The following B3GLCT variants were observed in gnomAD, a reference collection of about 807,000 sequenced individuals.
B3GLCT encodes the protein beta-1,3-glucosyltransferase.
B3GLCT carries 65 observed loss-of-function variants against 63.4 expected under a neutral mutation model. The ratio of observed to expected loss-of-function variants is 1.03; its 90% CI spans 0.84 to 1.26. B3GLCT has a LOEUF of 1.26. Among genes scored for constraint, B3GLCT ranks in the 50% most tolerant of loss-of-function variants. The pLI is 0.00. For missense variants in B3GLCT, 577 were observed against 604.8 expected (o/e 0.95, Z 0.48); for synonymous variants, 233 against 219.2 (o/e 1.06, Z -0.55).
Position 31,330,934 on chromosome 13 carries a change from G to A in B3GLCT, c.*1266G>A, listed in dbSNP as rs921577679. ...GCCATACCACCAAAAGTACCTGTGT[G>A]TGTTAATATGTTTTTCTTGTAGCAT... On this transcript the variant is annotated 3_prime_UTR_variant, in exon 15 of 15. Coordinates refer to ENST00000343307, the MANE Select transcript of B3GLCT (RefSeq NM_194318.4). The A allele has an allele frequency of 6.6e-6, 1 of 152,124 alleles. No homozygotes were observed. Among genetic ancestry groups the A allele is most frequent in the Non-Finnish European group, 1.5e-5 (1 of 68,020 alleles). The allele number at this position is 152,124 out of a possible 1,614,324, so 9.4% of individuals were successfully genotyped here. A position where few individuals can be genotyped will look rare whatever the true frequency, so the allele number is the denominator to read the frequency against.
Position 31,253,617 on chromosome 13 carries a change from A to AC in B3GLCT, c.459+5651_459+5652insC, listed in dbSNP as rs1291204876. Among the ~76,000 whole-genome samples, 138 of 148,794 alleles carry AC rather than the reference A, an allele frequency of 9.3e-4. 15 individuals carry two copies. Among genetic ancestry groups the AC allele is most frequent in the Non-Finnish European group, 1.1e-3 (77 of 67,232 alleles). ...TCTCAAAAAAAAAAAAAAAAAAAAA[A>AC]AAAACTAGAGAAGCAAGAGCAAGCA... On this transcript the variant is annotated intron_variant, in intron 6 of 14. Transcript: ENST00000343307.
intron 3 of B3GLCT, among the ~76,000 whole-genome samples, chr13:31,224,873 T>C (rs959650960): frequency 1.3e-3 from 193 of 152,290 alleles, no homozygotes; most frequent in African/African-American, 4.5e-3. Context: ...TCTAGGTAAT[T>C]TCTGACCAGG....
intron 4 of B3GLCT, among the ~76,000 whole-genome samples, chr13:31,233,874 C>A (rs1196907384): frequency 6.6e-6 from 1 of 152,176 alleles, no homozygotes; most frequent in Non-Finnish European, 1.5e-5. Context: ...ATGAACCTCT[C>A]ATTCATTCTT....
Position 31,329,853 on chromosome 13 carries a change from T to C in B3GLCT, c.*185T>C, listed in dbSNP as rs1374997620. On this transcript the variant is annotated 3_prime_UTR_variant, in exon 15 of 15. Transcript: ENST00000343307. Reference sequence around the variant, plus strand: ...AGAAAAGGGGTCACAGGAGAAACATTTTTTTTTCTGGGAAAAATCACTTGC... The same window carrying C: ...AGAAAAGGGGTCACAGGAGAAACATCTTTTTTTCTGGGAAAAATCACTTGC... 4.6e-6 allele frequency: 3 copies of C among 652,840 alleles called. No homozygotes were observed. The African/African-American group carries it at 5.5e-5, about 12-fold the overall frequency. 40.4% of individuals were successfully genotyped at this position (652,840 alleles called of 1,614,324 possible). A position where few individuals can be genotyped will look rare whatever the true frequency, so the allele number is the denominator to read the frequency against.
intron 2 of B3GLCT, among the ~76,000 whole-genome samples, chr13:31,221,520 C>CA (rs1408740502): frequency 2.6e-5 from 4 of 152,240 alleles, no homozygotes; most frequent in Non-Finnish European, 5.9e-5. Flanking sequence ...AGTTAGGTGT[C>CA]ACTTGATCCA....
intron 7 of B3GLCT, among the ~76,000 whole-genome samples, chr13:31,265,375 C>A (rs1872240955): frequency 6.6e-6 from 1 of 152,162 alleles, no homozygotes; most frequent in African/African-American, 2.4e-5. Flanking sequence ...ATTATATAGA[C>A]AACCAAGAAG....
chr13:31,284,913 T>C lies in B3GLCT; in HGVS notation c.964+152T>C, dbSNP rs1169973319. ...CTTCTCTCAGATACTGATTGGTTCTTTCAAACTAAGGGCTTTATAGTACGA... is the reference window on the plus strand; with the variant it reads ...CTTCTCTCAGATACTGATTGGTTCTCTCAAACTAAGGGCTTTATAGTACGA... On this transcript the variant is annotated intron_variant, in intron 11 of 14. Transcript: ENST00000343307. 4 of 646,068 alleles carry C rather than the reference T, an allele frequency of 6.2e-6. No individual in the cohort carries two copies. The Admixed American group carries it at 9.6e-5, about 15-fold the overall frequency. The allele number at this position is 646,068 out of a possible 1,614,324, so 40.0% of individuals were successfully genotyped here. A position where few individuals can be genotyped will look rare whatever the true frequency, so the allele number is the denominator to read the frequency against.
rs984620578 is a variant in B3GLCT, at chr13:31,329,549, A to G, written c.1378A>G (p.Ile460Val). 1.2e-6 allele frequency: 2 copies of G among 1,614,226 alleles called. No homozygotes were observed. The highest frequency in any genetic ancestry group is 1.3e-5 in the African/African-American group (1 of 75,064). ...GGACTACCTTTCTCATCAAGTTCCC[A>G]TATCGTTCCACAAACACTGGAACAT... Reference protein sequence around the residue: ...PKDYLSHQVPISFHKHWNIDP... With the variant: ...PKDYLSHQVPVSFHKHWNIDP... Residue 460 changes from isoleucine (I) to valine (V), a missense_variant, in exon 15 of 15, where the codon ATA becomes GTA. Transcript: ENST00000343307.
At chr13:31,223,879 T>C (rs1380545367) in intron 3 of B3GLCT, among the ~76,000 whole-genome samples, 1 of 152,122 alleles carries the variant, frequency 6.6e-6, no homozygotes, top group Non-Finnish European at 1.5e-5. Context: ...TTGGCTCACC[T>C]CCAGTTTCAT....
chr13:31,247,210 A>C, intron 5 of B3GLCT, 111 bp downstream of exon 5: 1 of 847,760 alleles, frequency 1.2e-6, no homozygotes, highest in Non-Finnish European at 2.0e-6. Flanking sequence ...TAAGTGAAGT[A>C]AATTTGAGTT....
intron 4 of B3GLCT, among the ~76,000 whole-genome samples, chr13:31,245,724 A>G (rs1424445575): frequency 6.6e-6 from 1 of 152,130 alleles, no homozygotes; most frequent in Non-Finnish European, 1.5e-5. Flanking sequence ...TAGTAACATC[A>G]TTAGTTTCTT....
chr13:31,218,428 C>A (rs60546979), intron 2 of B3GLCT, among the ~76,000 whole-genome samples: 1 of 152,038 alleles, frequency 6.6e-6, no homozygotes, highest in African/African-American at 2.4e-5. Context: ...ACCAGTGATC[C>A]GCCTGCCTCA....
At chr13:31,315,685 T>C (rs1263009401) in intron 12 of B3GLCT, among the ~76,000 whole-genome samples, 4 of 152,218 alleles carry the variant, frequency 2.6e-5, no homozygotes, top group African/African-American at 7.2e-5. Flanking sequence ...CTGCAGAAAT[T>C]TGTGTAAGTA....
chr13:31,212,122 T>C (rs1179882632), intron 1 of B3GLCT, among the ~76,000 whole-genome samples: 1 of 152,090 alleles, frequency 6.6e-6, no homozygotes, highest in Non-Finnish European at 1.5e-5. Context: ...TTTTTTTTTT[T>C]TGAGACAGAG....
At chr13:31,255,120 A>G (rs1372074257) in intron 6 of B3GLCT, among the ~76,000 whole-genome samples, 3 of 152,194 alleles carry the variant, frequency 2.0e-5, no homozygotes, top group Non-Finnish European at 2.9e-5. Flanking sequence ...TCGGGATACA[A>G]AATCAAGTGC....
At position 31,330,917 on chromosome 13, in the gene B3GLCT, A is replaced by G. The variant is rs1278859171; in HGVS notation, c.*1249A>G. 1 of 152,168 alleles carries G rather than the reference A, an allele frequency of 6.6e-6. No individual in the cohort carries two copies. The highest frequency in any genetic ancestry group is 1.5e-5 in the Non-Finnish European group (1 of 68,046). 9.4% of individuals were successfully genotyped at this position (152,168 alleles called of 1,614,324 possible). A position where few individuals can be genotyped will look rare whatever the true frequency, so the allele number is the denominator to read the frequency against. ...CCAGCACAGAATTTAAAGCCATACC[A>G]CCAAAAGTACCTGTGTGTGTTAATA... On this transcript the variant is annotated 3_prime_UTR_variant, in exon 15 of 15. Transcript: ENST00000343307.
At chr13:31,308,179 T>A (rs1259794040) in intron 12 of B3GLCT, among the ~76,000 whole-genome samples, 952 of 40,072 alleles carry the variant, frequency 0.024, 7 homozygotes, top group Non-Finnish European at 0.037. Flanking sequence ...CTGGTGACTG[T>A]GGTGGGGTCG....
intron 14 of B3GLCT, among the ~76,000 whole-genome samples, chr13:31,325,136 AG>A (rs1329548495): frequency 6.6e-6 from 1 of 152,266 alleles, no homozygotes; most frequent in African/African-American, 2.4e-5. Flanking sequence ...TCATCAGGAA[AG>A]GCAGAATCCA....
intron 10 of B3GLCT, among the ~76,000 whole-genome samples, chr13:31,278,134 T>C (rs1872886567): frequency 6.6e-6 from 1 of 152,088 alleles, no homozygotes. Flanking sequence ...ACACTTGGAG[T>C]AGTGATTGTT....
Sources: allele counts gnomAD v4.1 joint callset (sites outside exome capture counted in the v4.1 genomes callset), GRCh38; gene constraint gnomAD v4.1.1; transcripts MANE v1.5; gene names NCBI Gene and HGNC (gene_info 2026-07-23, HGNC 2026-07-21).